DNER: variants seen among roughly 807,000 people sequenced by gnomAD.
DNER encodes delta/notch like EGF repeat containing, also known as delta and Notch-like epidermal growth factor-related receptor.
DNER carries 33 observed loss-of-function variants against 78.2 expected under a neutral mutation model. The ratio of observed to expected loss-of-function variants is 0.42; its 90% CI spans 0.32 to 0.56. The LOEUF is 0.56. Among genes scored for constraint, DNER ranks in the 20% least tolerant of loss-of-function variants. The probability of loss-of-function intolerance (pLI) is 0.11; values close to 1 mark genes in which losing one functional copy is unlikely to be tolerated. For missense variants in DNER, 918 were observed against 975.3 expected, an observed-to-expected ratio of 0.94 and a Z score of 0.78; for synonymous variants, 417 against 384.8, an observed-to-expected ratio of 1.08 and a Z score of -0.98.
chr2:229,599,317 A>G (rs1276688038), intron 1 of DNER, among the ~76,000 whole-genome samples: 1 of 152,220 alleles, frequency 6.6e-6, no homozygotes, highest in Non-Finnish European at 1.5e-5. Context: ...TTTAATACAG[A>G]CTTTAATAGA....
intron 8 of DNER, among the ~76,000 whole-genome samples, chr2:229,424,381 C>T (rs1693830334): frequency 6.6e-6 from 1 of 152,174 alleles, no homozygotes; most frequent in Admixed American, 6.6e-5. Flanking sequence ...CCTTCTTTCC[C>T]ATGTTGCCTC....
intron 4 of DNER, among the ~76,000 whole-genome samples, chr2:229,562,634 G>T (rs1696980763): frequency 6.6e-6 from 1 of 151,968 alleles, no homozygotes; most frequent in South Asian, 2.1e-4. Flanking sequence ...CTGACACAAG[G>T]GTAATGGAAA....
chr2:229,573,393 T>C (rs1445883238), intron 4 of DNER, among the ~76,000 whole-genome samples: 3 of 152,204 alleles, frequency 2.0e-5, no homozygotes, highest in African/African-American at 7.2e-5. Context: ...TAGACAATTT[T>C]CTTCTGCTGA....
intron 1 of DNER, among the ~76,000 whole-genome samples, chr2:229,668,528 GTGTGTGTGTATATA>G (rs1480479724): frequency 0.017 from 838 of 49,258 alleles, 5 homozygotes; most frequent in South Asian, 0.033. Flanking sequence ...GTGTGTGTGT[GTGTGTGTGTATATA>G]TATATATATA....
At chr2:229,614,191 T>A (rs923162953) in intron 1 of DNER, among the ~76,000 whole-genome samples, 10 of 151,022 alleles carry the variant, frequency 6.6e-5, no homozygotes, top group East Asian at 1.9e-4. Context: ...AATTAAAAAA[T>A]TTAAAAAAAT....
At chr2:229,385,716 T>A (rs376252794) in intron 11 of DNER, among the ~76,000 whole-genome samples, 1 of 152,252 alleles carries the variant, frequency 6.6e-6, no homozygotes, top group South Asian at 2.1e-4. Flanking sequence ...TGAACTCTCA[T>A]TCACAATTGC....
chr2:229,380,963 A>G (rs1692722100), intron 11 of DNER, among the ~76,000 whole-genome samples: 1 of 152,024 alleles, frequency 6.6e-6, no homozygotes, highest in African/African-American at 2.4e-5. Flanking sequence ...AAAAAAAGAA[A>G]ACTGGAGGGG....
chr2:229,426,561 G>A (rs564320033), intron 8 of DNER, among the ~76,000 whole-genome samples: 25 of 152,056 alleles, frequency 1.6e-4, no homozygotes, highest in African/African-American at 4.3e-4. Context: ...GCCCTTTGGC[G>A]CTCTGGAATG....
chr2:229,609,666 C>A (rs1170335281), intron 1 of DNER, among the ~76,000 whole-genome samples: 1 of 152,150 alleles, frequency 6.6e-6, no homozygotes, highest in Non-Finnish European at 1.5e-5. Flanking sequence ...AGCCTCTGTT[C>A]CTAACGTGCT....
chr2:229,587,707 G>T (rs78019220), intron 3 of DNER, among the ~76,000 whole-genome samples: 4 of 152,102 alleles, frequency 2.6e-5, no homozygotes, highest in Non-Finnish European at 5.9e-5. Flanking sequence ...GATGGGCAGT[G>T]GGGGGTTGTC....
At chr2:229,626,741 T>C (rs996717715) in intron 1 of DNER, among the ~76,000 whole-genome samples, 3 of 152,266 alleles carry the variant, frequency 2.0e-5, no homozygotes, top group Non-Finnish European at 2.9e-5. Context: ...TCTGGACTTG[T>C]TTAAAGCCTT....
At chr2:229,505,462 G>C (rs1004504477) in intron 6 of DNER, among the ~76,000 whole-genome samples, 2 of 152,060 alleles carry the variant, frequency 1.3e-5, no homozygotes, top group African/African-American at 4.8e-5. Context: ...GAGCCGGGGG[G>C]GTCCCCTGGA....
chr2:229,564,133 C>A (rs1171079643), intron 4 of DNER, among the ~76,000 whole-genome samples: 23 of 119,260 alleles, frequency 1.9e-4, no homozygotes, highest in African/African-American at 1.9e-4. Flanking sequence ...CATCATCATC[C>A]TCACCCCATC....
intron 8 of DNER, among the ~76,000 whole-genome samples, chr2:229,429,656 G>A (rs553438259): frequency 1.3e-5 from 2 of 152,272 alleles, no homozygotes; most frequent in African/African-American, 4.8e-5. Flanking sequence ...ATTACCCTGA[G>A]CCATAGTTTC....
intron 1 of DNER, among the ~76,000 whole-genome samples, chr2:229,657,291 T>C (rs1698928971): frequency 1.3e-5 from 2 of 152,186 alleles, no homozygotes; most frequent in Non-Finnish European, 2.9e-5. Context: ...TCCAGGTTCA[T>C]CCATGTGGTC....
chr2:229,709,597 C>T lies in DNER; in HGVS notation c.276+4551G>A, dbSNP rs76397481. Among the ~76,000 whole-genome samples the T allele has an allele frequency of 9.2e-3, 1,398 of 152,268 alleles. 23 individuals carry two copies. The highest frequency in any genetic ancestry group is 0.032 in the African/African-American group (1,327 of 41,522). ...AAATAGGTTCCTCTGAAGCAGACCA[C>T]TGTTTCAAGTTAGCATGGTTAATCA... On this transcript the variant is annotated intron_variant, in intron 1 of 12. Coordinates refer to ENST00000341772, the MANE Select transcript of DNER (RefSeq NM_139072.4).
At chr2:229,469,515 A>T (rs570435301) in intron 7 of DNER, among the ~76,000 whole-genome samples, 1 of 152,302 alleles carries the variant, frequency 6.6e-6, no homozygotes, top group East Asian at 1.9e-4. Context: ...CGCTCGATAG[A>T]TGGGGAAAAT....
chr2:229,558,148 G>A (rs1225260440), intron 4 of DNER, among the ~76,000 whole-genome samples: 1 of 152,176 alleles, frequency 6.6e-6, no homozygotes, highest in African/African-American at 2.4e-5. Flanking sequence ...AACACTGCAT[G>A]TTCTCACTTA....
intron 1 of DNER, among the ~76,000 whole-genome samples, chr2:229,667,075 G>C (rs747204531): frequency 6.6e-6 from 1 of 152,234 alleles, no homozygotes; most frequent in Non-Finnish European, 1.5e-5. Context: ...TCTGTATTGT[G>C]TCAAGTGCTC....
Sources: allele counts gnomAD v4.1 joint callset (sites outside exome capture counted in the v4.1 genomes callset), GRCh38; gene constraint gnomAD v4.1.1; transcripts MANE v1.5; gene names NCBI Gene and HGNC (gene_info 2026-07-23, HGNC 2026-07-21).